Variants in DIS3L2 observed in about 807,000 individuals in gnomAD.
DIS3L2 encodes DIS3-like exonuclease 2.
Under a neutral mutation model 97.5 loss-of-function variants are expected in DIS3L2, and 34 were observed. The ratio of observed to expected loss-of-function variants is 0.35; its 90% CI spans 0.27 to 0.46. The LOEUF (loss-of-function observed/expected upper bound fraction) is 0.46, where lower values mean the gene tolerates loss of function less well. Ranked by LOEUF, DIS3L2 falls within the 20% of genes least tolerant of loss-of-function variation. DIS3L2 has a pLI of 1.00. For synonymous variants in DIS3L2, 435 were observed against 445.2 expected, an observed-to-expected ratio of 0.98 and a Z score of 0.29; for missense variants, 1,038 against 1,146.0, an observed-to-expected ratio of 0.91 and a Z score of 1.36.
At chr2:232,132,561 C>T (rs1219607860) in intron 7 of DIS3L2, among the ~76,000 whole-genome samples, 2 of 152,196 alleles carry the variant, frequency 1.3e-5, no homozygotes, top group Non-Finnish European at 2.9e-5. Context: ...CCACCAACAA[C>T]AGCAACAACA....
chr2:232,172,709 T>G (rs780241981), intron 9 of DIS3L2: 25 of 534,542 alleles, frequency 4.7e-5, no homozygotes, highest in Non-Finnish European at 3.5e-5. Flanking sequence ...TGAAACTGTT[T>G]TTCAAAGTAG....
At chr2:232,113,119 G>A (rs769896862) in intron 6 of DIS3L2, among the ~76,000 whole-genome samples, 8 of 152,152 alleles carry the variant, frequency 5.3e-5, no homozygotes, top group Non-Finnish European at 1.0e-4. Context: ...CTTGTCATTA[G>A]AAAGGGGAGA....
intron 1 of DIS3L2, among the ~76,000 whole-genome samples, chr2:231,979,097 C>T (rs942408165): frequency 1.3e-5 from 2 of 152,132 alleles, no homozygotes. Flanking sequence ...GAGACTTCAT[C>T]ATTATGACAT....
At chr2:232,052,676 C>G (rs1695442963) in intron 5 of DIS3L2, among the ~76,000 whole-genome samples, 1 of 152,190 alleles carries the variant, frequency 6.6e-6, no homozygotes, top group Admixed American at 6.5e-5. Context: ...CAGTTCTCTG[C>G]ATGTGTCTCT....
At chr2:232,211,883 C>G (rs1692200998) in intron 10 of DIS3L2, among the ~76,000 whole-genome samples, 1 of 152,198 alleles carries the variant, frequency 6.6e-6, no homozygotes, top group African/African-American at 2.4e-5. Flanking sequence ...TTTTTAGAGA[C>G]AGAGTATCAC....
rs111905525 is a variant in DIS3L2 at position 232,108,501 on chromosome 2, G to T, written c.601+20780G>T. 1.4e-4 allele frequency among the ~76,000 whole-genome samples: 21 copies of T among 152,270 alleles called. 2 individuals are homozygous for T. Among genetic ancestry groups the T allele is most frequent in the African/African-American group, 5.1e-4 (21 of 41,534 alleles). Reference sequence around the variant, plus strand: ...TACTTGAAAACCCTCATAAGACAAGGTTGCTCTCTCTCACCACTCCTAGTC... The same window carrying T: ...TACTTGAAAACCCTCATAAGACAAGTTTGCTCTCTCTCACCACTCCTAGTC... On this transcript the variant is annotated intron_variant, in intron 6 of 20. Transcript: ENST00000325385.
intron 20 of DIS3L2, chr2:232,336,086 T>G: frequency 6.5e-7 from 1 of 1,542,866 alleles, no homozygotes; most frequent in Non-Finnish European, 8.7e-7. Context: ...GCAACCACAG[T>G]GGAGAGAGGA....
chr2:232,343,065 C>T (rs1205983885), intron 13 of DIS3L2: 1 of 387,724 alleles, frequency 2.6e-6, no homozygotes, highest in Admixed American at 4.2e-5. Context: ...CATCACACTG[C>T]TCTGCTGTCC....
chr2:232,085,715 G>T (rs1180720404), intron 5 of DIS3L2, among the ~76,000 whole-genome samples: 1 of 152,242 alleles, frequency 6.6e-6, no homozygotes, highest in African/African-American at 2.4e-5. Flanking sequence ...ATAACACCTG[G>T]TGTATTTTAA....
chr2:232,070,437 A>G (rs1290797157), intron 5 of DIS3L2, among the ~76,000 whole-genome samples: 1 of 152,124 alleles, frequency 6.6e-6, no homozygotes, highest in Non-Finnish European at 1.5e-5. Context: ...TCTGGCATCA[A>G]AAATATTTAT....
At chr2:232,298,208 G>C (rs955721138) in intron 13 of DIS3L2, among the ~76,000 whole-genome samples, 11 of 152,130 alleles carry the variant, frequency 7.2e-5, no homozygotes, top group Non-Finnish European at 1.6e-4. Flanking sequence ...GGACTTTTTA[G>C]TCTTTCCAAT....
chr2:232,088,390 C>CAAAAA (rs778505065), intron 6 of DIS3L2, among the ~76,000 whole-genome samples: 6 of 55,708 alleles, frequency 1.1e-4, no homozygotes, highest in Admixed American at 2.0e-4. Context: ...ACTAAAAATA[C>CAAAAA]AAAAAAAAAA....
chr2:232,073,408 T>A (rs1696092049), intron 5 of DIS3L2, among the ~76,000 whole-genome samples: 1 of 152,146 alleles, frequency 6.6e-6, no homozygotes, highest in South Asian at 2.1e-4. Context: ...CCGCGGAAAA[T>A]GTCTGTGGAC....
chr2:232,205,552 G>A (rs570478225), intron 9 of DIS3L2, among the ~76,000 whole-genome samples: 54 of 152,014 alleles, frequency 3.6e-4, no homozygotes, highest in African/African-American at 1.2e-3. Context: ...TCTGCCCACC[G>A]CGGCCTCCCA....
At chr2:232,247,103 G>A (rs1693272675) in intron 11 of DIS3L2, among the ~76,000 whole-genome samples, 1 of 152,200 alleles carries the variant, frequency 6.6e-6, no homozygotes, top group Non-Finnish European at 1.5e-5. Context: ...TGAACACTTA[G>A]AAGACACACT....
At chr2:232,009,385 G>T (rs1559537299) in intron 1 of DIS3L2, among the ~76,000 whole-genome samples, 1 of 152,166 alleles carries the variant, frequency 6.6e-6, no homozygotes, top group Non-Finnish European at 1.5e-5. Flanking sequence ...GACTTGGCTG[G>T]ACTAATTAAT....
chr2:232,086,643 A>ATG (rs1553606011), intron 5 of DIS3L2, among the ~76,000 whole-genome samples: 17 of 81,928 alleles, frequency 2.1e-4, no homozygotes, highest in East Asian at 6.8e-4. Flanking sequence ...ATATATATAT[A>ATG]TGTATATATA....
chr2:232,177,104 T>C (rs1251351218), intron 9 of DIS3L2, among the ~76,000 whole-genome samples: 80 of 147,878 alleles, frequency 5.4e-4, no homozygotes, highest in Admixed American at 4.8e-3. Flanking sequence ...TGGTTTCCAA[T>C]TTCATCCATG....
chr2:232,173,838 G>T (rs1691065773), intron 9 of DIS3L2, among the ~76,000 whole-genome samples: 1 of 152,100 alleles, frequency 6.6e-6, no homozygotes, highest in African/African-American at 2.4e-5. Flanking sequence ...CTAAATTATT[G>T]TAACTTTGTA....
Sources: gnomAD v4.1 joint callset for allele counts (sites outside exome capture counted in the v4.1 genomes callset) on GRCh38, gnomAD v4.1.1 for gene constraint, MANE v1.5 for transcripts, NCBI Gene and HGNC (gene_info 2026-07-23, HGNC 2026-07-21) for gene names.